The following LONRF1 variants were observed in gnomAD, a reference collection of about 807,000 sequenced individuals.
The protein encoded by LONRF1 is LON peptidase N-terminal domain and RING finger protein 1.
In LONRF1, 37 loss-of-function variants were observed where a neutral mutation model predicts 85.8. The ratio of observed to expected loss-of-function variants is 0.43; its 90% confidence interval spans 0.33 to 0.57. The LOEUF is 0.57. Among genes scored for constraint, LONRF1 ranks in the 20% least tolerant of loss-of-function variants. LONRF1 has a pLI of 0.04. For missense variants in LONRF1, 1,036 were observed against 978.0 expected (o/e 1.06, Z -0.79); for synonymous variants, 517 against 390.1 (o/e 1.33, Z -3.83).
At chr8:12,751,102 ACC>A (rs1406952754) in intron 1 of LONRF1, among the ~76,000 whole-genome samples, 2 of 151,960 alleles carry the variant, frequency 1.3e-5, no homozygotes, top group Non-Finnish European at 2.9e-5. Flanking sequence ...CAGGATTGGA[ACC>A]CAGGTGTCAG....
rs954412396 is a variant in LONRF1 at position 12,722,771 on chromosome 8, A to AGCACACACGCAC, written c.*313_*324dup. 5.9e-6 allele frequency: 1 copy of AGCACACACGCAC among 168,770 alleles called. No homozygotes were observed. The highest frequency in any genetic ancestry group is 1.3e-5 in the Non-Finnish European group (1 of 78,862). The allele number at this position is 168,770 out of a possible 1,614,324, so 10.5% of individuals were successfully genotyped here. On this transcript the variant is annotated 3_prime_UTR_variant, in exon 12 of 12. Transcript: ENST00000398246. Reference sequence around the variant, plus strand: ...ACACACACACTACCCAACCCCCACAAGCACACACGCACGCACACACACACA... The same window carrying AGCACACACGCAC: ...ACACACACACTACCCAACCCCCACAAGCACACACGCACGCACACACGCACGCACACACACACA...
At chr8:12,742,968 C>T (rs1300951360) in intron 2 of LONRF1, among the ~76,000 whole-genome samples, 196 bp downstream of exon 2, 2 of 152,250 alleles carry the variant, frequency 1.3e-5, no homozygotes, top group South Asian at 2.1e-4. Context: ...TCAAGCAATC[C>T]GTCCAACTCA....
chr8:12,747,295 TTCTA>T lies in LONRF1; in HGVS notation c.722-4017_722-4014del, dbSNP rs145572959. 1.7e-3 allele frequency among the ~76,000 whole-genome samples: 253 copies of T among 152,320 alleles called. 5 individuals carry two copies. The East Asian group carries it at 0.042, about 26-fold the overall frequency. On this transcript the variant is annotated intron_variant, in intron 1 of 11. Coordinates refer to ENST00000398246, the MANE Select transcript of LONRF1 (RefSeq NM_152271.5). ...AGTTTTCTATTCTAGAGTCATGGTT[TTCTA>T]TCTTTGTTCCAATCATTAGAGATCC...
chr8:12,726,738 C>T (rs1386863344), intron 10 of LONRF1, among the ~76,000 whole-genome samples: 3 of 152,156 alleles, frequency 2.0e-5, no homozygotes, highest in Admixed American at 2.0e-4. Context: ...CCTGACTCAG[C>T]CTTTCATACT....
intron 8 of LONRF1, among the ~76,000 whole-genome samples, chr8:12,729,762 G>C (rs559015105): frequency 4.2e-4 from 64 of 152,178 alleles, no homozygotes; most frequent in African/African-American, 1.5e-3. Context: ...ACAACAAAGA[G>C]CAAATACTTA....
chr8:12,743,097 T>A (rs73202645), intron 2 of LONRF1, 67 bp downstream of exon 2: 70,266 of 983,996 alleles, frequency 0.071, 2,992 homozygotes, highest in Middle Eastern at 0.091. Context: ...TTCCTAACTG[T>A]GAATGAATGC....
intron 3 of LONRF1, among the ~76,000 whole-genome samples, chr8:12,739,652 G>A (rs1322355526): frequency 6.6e-6 from 1 of 152,116 alleles, no homozygotes; most frequent in East Asian, 1.9e-4. Context: ...AAGTATATTG[G>A]AGAAAAACAA....
In LONRF1 at chr8:12,751,813, C is replaced by CA. The variant is rs1342909708; in HGVS notation, c.721+2886dup. Among the ~76,000 whole-genome samples the CA allele has an allele frequency of 2.6e-5, 4 of 151,804 alleles. No homozygotes were observed. The East Asian group carries it at 7.7e-4, about 29-fold the overall frequency. On this transcript the variant is annotated intron_variant, in intron 1 of 11. Coordinates refer to ENST00000398246, the MANE Select transcript of LONRF1 (RefSeq NM_152271.5). The stretch of plus-strand genomic sequence containing the variant: ...AAAAACATTAAACACAAAAGGCAGG[C>CA]AGCATGGCTTAGGGGGATCATTTCA...
chr8:12,751,294 ATGTTTTTTTTT>A (rs1554469320), intron 1 of LONRF1, among the ~76,000 whole-genome samples: 9 of 84,810 alleles, frequency 1.1e-4, no homozygotes, highest in African/African-American at 3.3e-4. Flanking sequence ...TTTTATTTTT[ATGTTTTTTTTT>A]TTTTTTTTTT....
chr8:12,744,862 A>G (rs543957509), intron 1 of LONRF1, among the ~76,000 whole-genome samples: 11 of 112,586 alleles, frequency 9.8e-5, no homozygotes, highest in Admixed American at 3.3e-4. Context: ...CAAGCAGCCC[A>G]TTCTTGGATT....
At chr8:12,730,561 C>T (rs1386278342) in intron 8 of LONRF1, among the ~76,000 whole-genome samples, 1 of 152,140 alleles carries the variant, frequency 6.6e-6, no homozygotes, top group Non-Finnish European at 1.5e-5. Flanking sequence ...TGTGTGTCTC[C>T]CTCCTCTGTC....
chr8:12,729,455 T>C (rs1798445060), intron 8 of LONRF1, 123 bp from the exon 9 acceptor site: 3 of 954,790 alleles, frequency 3.1e-6, no homozygotes, highest in Non-Finnish European at 4.6e-6. Context: ...GAATTAGTTC[T>C]AAATAAGGTG....
chr8:12,743,760 T>C (rs1297707775), intron 1 of LONRF1, among the ~76,000 whole-genome samples: 1 of 152,148 alleles, frequency 6.6e-6, no homozygotes, highest in Non-Finnish European at 1.5e-5. Context: ...CTCAATCTTA[T>C]GAGCATACAC....
intron 7 of LONRF1, among the ~76,000 whole-genome samples, chr8:12,732,718 G>A (rs1798573846): frequency 6.6e-6 from 1 of 151,990 alleles, no homozygotes; most frequent in South Asian, 2.1e-4. Context: ...CACATAGTAG[G>A]CATTGTAGCG....
At chr8:12,735,108 C>T (rs1448908980) in intron 7 of LONRF1, among the ~76,000 whole-genome samples, 178 bp downstream of exon 7, 1 of 152,146 alleles carries the variant, frequency 6.6e-6, no homozygotes, top group Non-Finnish European at 1.5e-5. Flanking sequence ...TCCCCATCCT[C>T]TTCAACCTCA....
At chr8:12,735,180 A>G in intron 7 of LONRF1, 106 bp downstream of exon 7, 2 of 714,178 alleles carry the variant, frequency 2.8e-6, no homozygotes, top group Admixed American at 2.5e-5. Flanking sequence ...CTCAGAATAT[A>G]GAATGTAATT....
At chr8:12,743,836 C>T (rs1038937797) in intron 1 of LONRF1, among the ~76,000 whole-genome samples, 15 of 137,672 alleles carry the variant, frequency 1.1e-4, no homozygotes, top group Non-Finnish European at 1.6e-4. Flanking sequence ...AATTTTAATT[C>T]CTGCCATTAG....
Position 12,734,780 on chromosome 8 carries a change from T to G in LONRF1, c.1566+506A>C, listed in dbSNP as rs111486047. On this transcript the variant is annotated intron_variant, in intron 7 of 11. Transcript: ENST00000398246. The stretch of plus-strand genomic sequence containing the variant: ...GTTAATAAAATGTAAATATAGTTCC[T>G]CAGTGACACTAACCATATTTAAAAG... Among the ~76,000 whole-genome samples the G allele has an allele frequency of 4.2e-3, 644 of 152,316 alleles. 13 individuals are homozygous for G. In the South Asian group the frequency reaches 0.065, roughly 15 times the overall value.
chr8:12,742,280 G>C (rs938791885), intron 2 of LONRF1, among the ~76,000 whole-genome samples: 2 of 152,182 alleles, frequency 1.3e-5, no homozygotes, highest in Admixed American at 6.5e-5. Context: ...CAAAGACACA[G>C]TTTTGAATGG....
Sources: gnomAD v4.1 joint callset for allele counts (sites outside exome capture counted in the v4.1 genomes callset) on GRCh38, gnomAD v4.1.1 for gene constraint, MANE v1.5 for transcripts, NCBI Gene and HGNC (gene_info 2026-07-23, HGNC 2026-07-21) for gene names.